Variants in EYS observed in about 807,000 individuals in gnomAD.
EYS encodes the protein protein eyes shut homolog.
EYS carries 250 observed loss-of-function variants against 282.1 expected under a neutral mutation model. The ratio of observed to expected loss-of-function variants is 0.89; its 90% CI spans 0.80 to 0.98. The LOEUF (loss-of-function observed/expected upper bound fraction) is 0.98. EYS is among the 50% of genes least tolerant of loss of function. The pLI is 0.00. For missense variants in EYS, 4,016 were observed against 3,709.0 expected (o/e 1.08, Z -2.15); for synonymous variants, 1,355 against 1,282.9 (o/e 1.06, Z -1.20).
chr6:64,220,844 AT>A (rs1766078870), intron 31 of EYS, among the ~76,000 whole-genome samples: 1 of 152,134 alleles, frequency 6.6e-6, no homozygotes, highest in African/African-American at 2.4e-5. Flanking sequence ...TCCAATCTCA[AT>A]TCCAGAATTT....
intron 22 of EYS, among the ~76,000 whole-genome samples, chr6:64,667,434 T>C (rs1011725089): frequency 6.6e-6 from 1 of 151,772 alleles, no homozygotes; most frequent in Non-Finnish European, 1.5e-5. Flanking sequence ...CATCATTATC[T>C]CTTTTACATC....
intron 5 of EYS, among the ~76,000 whole-genome samples, chr6:65,418,885 A>G (rs1767347068): frequency 6.6e-6 from 1 of 151,986 alleles, no homozygotes. Flanking sequence ...TCAAGCCACA[A>G]TAAGCGAACC....
At chr6:64,775,168 A>T (rs1773641114) in intron 22 of EYS, among the ~76,000 whole-genome samples, 1 of 151,982 alleles carries the variant, frequency 6.6e-6, no homozygotes, top group Non-Finnish European at 1.5e-5. Context: ...TCTAAAAATC[A>T]GTAAAATATG....
chr6:64,215,776 A>G (rs1765910709), intron 31 of EYS, among the ~76,000 whole-genome samples: 1 of 152,186 alleles, frequency 6.6e-6, no homozygotes, highest in Non-Finnish European at 1.5e-5. Flanking sequence ...ATATTTTGCC[A>G]TCTAGGAGAG....
intron 2 of EYS, among the ~76,000 whole-genome samples, chr6:65,573,255 C>T (rs968028940): frequency 1.6e-4 from 25 of 152,058 alleles, no homozygotes; most frequent in African/African-American, 5.8e-4. Context: ...AAATGGAAAA[C>T]ATGTATATAG....
At position 64,591,416 on chromosome 6, in the gene EYS, C is replaced by A; in HGVS notation, c.4451G>T (p.Trp1484Leu). ...AGACATCGAGGGGCTGAGCAATCTC[C>A]AGTGCTCTCTTCTTGAAATTAAAGA... Reference protein sequence around the residue: ...ADSLISRREHWRLLSPSMSPI... With the variant: ...ADSLISRREHLRLLSPSMSPI... The change falls in exon 26 of 43, where the codon TGG becomes TTG. Residue 1484 changes from tryptophan to leucine, a missense_variant. Transcript: ENST00000503581. 2.6e-6 allele frequency: 4 copies of A among 1,551,292 alleles called. No individual in the cohort carries two copies. The highest frequency in any genetic ancestry group is 3.5e-6 in the Non-Finnish European group (4 of 1,146,734).
At chr6:63,922,829 A>C (rs1157089625) in intron 35 of EYS, among the ~76,000 whole-genome samples, 1 of 152,138 alleles carries the variant, frequency 6.6e-6, no homozygotes, top group Non-Finnish European at 1.5e-5. Flanking sequence ...TAGAACACTA[A>C]CTCTGATATC....
intron 12 of EYS, among the ~76,000 whole-genome samples, chr6:65,230,602 G>A (rs1401952097): frequency 1.3e-5 from 2 of 151,572 alleles, no homozygotes; most frequent in South Asian, 2.1e-4. Flanking sequence ...TTATTTTCAT[G>A]TCTTTTTTTT....
intron 24 of EYS, among the ~76,000 whole-genome samples, chr6:64,610,961 C>T (rs1767095000): frequency 6.6e-6 from 1 of 152,056 alleles, no homozygotes; most frequent in South Asian, 2.1e-4. Flanking sequence ...TCAGAACACA[C>T]ATCCCTCCAT....
intron 12 of EYS, among the ~76,000 whole-genome samples, chr6:65,078,848 T>C (rs559062213): frequency 1.3e-4 from 20 of 151,990 alleles, no homozygotes; most frequent in African/African-American, 4.6e-4. Flanking sequence ...GGTGCTGTCC[T>C]TGAAATAGTG....
At chr6:64,330,485 T>C (rs1770599301) in intron 29 of EYS, among the ~76,000 whole-genome samples, 1 of 152,166 alleles carries the variant, frequency 6.6e-6, no homozygotes, top group Admixed American at 6.5e-5. Context: ...AAGGCCTTGA[T>C]CCAGGTCCCA....
intron 12 of EYS, among the ~76,000 whole-genome samples, chr6:65,218,703 C>A (rs1420975938): frequency 6.6e-6 from 1 of 152,058 alleles, no homozygotes; most frequent in Non-Finnish European, 1.5e-5. Context: ...CAAATCGTTA[C>A]AGTTCTAAAT....
chr6:63,892,950 C>T (rs1190812567), intron 35 of EYS, among the ~76,000 whole-genome samples: 3 of 152,226 alleles, frequency 2.0e-5, no homozygotes, highest in East Asian at 3.9e-4. Flanking sequence ...CAAAAGAAGA[C>T]GTTTATGCAG....
At position 65,005,487 on chromosome 6, in the gene EYS, C is replaced by T. The variant is rs745660695; in HGVS notation, c.2138-7784G>A. On this transcript the variant is annotated intron_variant, in intron 13 of 42. Coordinates refer to ENST00000503581, the MANE Select transcript of EYS (RefSeq NM_001142800.2). Reference sequence around the variant, plus strand: ...GGGACCTCTGTGAGCAAGGACCACCCGGTAACATTTTGGCGACCACGAAGG... The same window carrying T: ...GGGACCTCTGTGAGCAAGGACCACCTGGTAACATTTTGGCGACCACGAAGG... Among the ~76,000 whole-genome samples, 3 of 147,496 alleles carry T rather than the reference C, an allele frequency of 2.0e-5. 1 individual carries two copies. The highest frequency in any genetic ancestry group is 4.6e-5 in the Non-Finnish European group (3 of 65,838).
chr6:64,307,157 C>G, intron 29 of EYS, 75 bp from the exon 30 acceptor site: 1 of 792,152 alleles, frequency 1.3e-6, no homozygotes, highest in Non-Finnish European at 2.1e-6. Context: ...TTGCTTCAAA[C>G]TGGTCAGGGT....
intron 12 of EYS, among the ~76,000 whole-genome samples, chr6:65,161,213 G>T (rs1433763897): frequency 3.3e-5 from 5 of 150,972 alleles, no homozygotes; most frequent in African/African-American, 1.2e-4. Flanking sequence ...TAAAGATATT[G>T]TTTTACTGTC....
At chr6:64,352,622 C>G (rs1282618571) in intron 29 of EYS, among the ~76,000 whole-genome samples, 4 of 151,542 alleles carry the variant, frequency 2.6e-5, no homozygotes, top group Non-Finnish European at 5.9e-5. Context: ...TAATAAATAT[C>G]TGTTGACAAG....
chr6:64,538,254 G>A (rs1483340258), intron 26 of EYS, among the ~76,000 whole-genome samples: 1 of 152,038 alleles, frequency 6.6e-6, no homozygotes, highest in African/African-American at 2.4e-5. Context: ...TTGTTTCCAG[G>A]AATAAATGAT....
rs1226433519 is a variant in EYS at position 65,167,735 on chromosome 6, T to A, written c.2024-110008A>T. On this transcript the variant is annotated intron_variant, in intron 12 of 42. Transcript: ENST00000503581. ...AATATTGCTTCTGTGACATTCTTTA[T>A]CACTGTGTCTTTTGGGATTCCAAGT... Among the ~76,000 whole-genome samples the A allele has an allele frequency of 2.6e-5, 4 of 151,368 alleles. No homozygotes were observed. In the East Asian group the frequency reaches 7.8e-4, roughly 30 times the overall value.
Sources: gnomAD v4.1 joint callset for allele counts (sites outside exome capture counted in the v4.1 genomes callset) on GRCh38, gnomAD v4.1.1 for gene constraint, MANE v1.5 for transcripts, NCBI Gene and HGNC (gene_info 2026-07-23, HGNC 2026-07-21) for gene names.